CTNND2: variants seen among roughly 807,000 people sequenced by gnomAD.
The protein encoded by CTNND2 is catenin delta 2.
In CTNND2, 22 loss-of-function variants were observed where a neutral mutation model predicts 144.4. The ratio of observed to expected loss-of-function variants is 0.15; its 90% confidence interval spans 0.11 to 0.22. The LOEUF (loss-of-function observed/expected upper bound fraction) is 0.22. CTNND2 is among the 10% of genes least tolerant of loss of function. The probability of loss-of-function intolerance (pLI) is 1.00; values close to 1 mark genes in which losing one functional copy is unlikely to be tolerated. For missense variants in CTNND2, 1,353 were observed against 1,618.8 expected (o/e 0.84, Z 2.82); for synonymous variants, 751 against 695.6 (o/e 1.08, Z -1.25).
chr5:11,889,484 C>T (rs182570979), intron 1 of CTNND2, among the ~76,000 whole-genome samples: 2 of 152,268 alleles, frequency 1.3e-5, no homozygotes, highest in African/African-American at 2.4e-5. Context: ...TTAAAATACT[C>T]GTTAGGCCAA....
intron 3 of CTNND2, among the ~76,000 whole-genome samples, chr5:11,497,519 T>TGG (rs1234235644): frequency 7.3e-5 from 1 of 13,746 alleles, no homozygotes; most frequent in Admixed American, 9.5e-4. Context: ...TGCGGGGGGG[T>TGG]GGGGGGGGGC....
chr5:11,535,624 C>T (rs531007933), intron 3 of CTNND2, among the ~76,000 whole-genome samples: 1 of 152,268 alleles, frequency 6.6e-6, no homozygotes, highest in South Asian at 2.1e-4. Flanking sequence ...CATCTGCAAT[C>T]ACACAGAATA....
chr5:11,244,326 C>T (rs1742763585), intron 9 of CTNND2, among the ~76,000 whole-genome samples: 1 of 144,968 alleles, frequency 6.9e-6, no homozygotes, highest in African/African-American at 2.6e-5. Flanking sequence ...ACTCTGTTGC[C>T]CAGGCTGGAG....
At chr5:11,335,405 A>C (rs1753640856) in intron 9 of CTNND2, among the ~76,000 whole-genome samples, 1 of 152,188 alleles carries the variant, frequency 6.6e-6, no homozygotes, top group Non-Finnish European at 1.5e-5. Flanking sequence ...TTTTGTCCTC[A>C]AATGTTCAAA....
At chr5:11,899,195 T>C (rs949820725) in intron 1 of CTNND2, among the ~76,000 whole-genome samples, 2 of 152,230 alleles carry the variant, frequency 1.3e-5, no homozygotes, top group South Asian at 2.1e-4. Flanking sequence ...CATAATGACA[T>C]GATGATGAGA....
intron 3 of CTNND2, among the ~76,000 whole-genome samples, chr5:11,554,097 T>C (rs1776010181): frequency 6.6e-6 from 1 of 152,206 alleles, no homozygotes; most frequent in African/African-American, 2.4e-5. Context: ...ACGCTTAATA[T>C]GATGACTGGT....
chr5:11,818,692 T>C (rs1272742036), intron 1 of CTNND2, among the ~76,000 whole-genome samples: 1 of 152,152 alleles, frequency 6.6e-6, no homozygotes, highest in Non-Finnish European at 1.5e-5. Context: ...TTAACCGATA[T>C]GCCCTATTGT....
intron 1 of CTNND2, among the ~76,000 whole-genome samples, chr5:11,879,599 T>C (rs372172253): frequency 3.9e-5 from 6 of 152,082 alleles, no homozygotes; most frequent in African/African-American, 1.4e-4. Flanking sequence ...TTCTGTACCA[T>C]TGATAAGCTT....
intron 5 of CTNND2, among the ~76,000 whole-genome samples, chr5:11,404,470 T>G (rs1760904944): frequency 6.6e-6 from 1 of 152,032 alleles, no homozygotes; most frequent in African/African-American, 2.4e-5. Flanking sequence ...TTTAACAAAA[T>G]AAATGACTGG....
chr5:11,356,981 T>A (rs145058452), intron 8 of CTNND2, among the ~76,000 whole-genome samples: 23 of 152,224 alleles, frequency 1.5e-4, no homozygotes, highest in Non-Finnish European at 2.4e-4. Context: ...CACAGTGAGA[T>A]ACTACCTCAC....
At chr5:11,303,252 T>C (rs1172840428) in intron 9 of CTNND2, among the ~76,000 whole-genome samples, 4 of 152,318 alleles carry the variant, frequency 2.6e-5, no homozygotes, top group South Asian at 2.1e-4. Flanking sequence ...AAAAAGACAA[T>C]GCTCTTGACC....
intron 9 of CTNND2, among the ~76,000 whole-genome samples, chr5:11,278,269 T>A (rs1341333965): frequency 1.3e-5 from 2 of 152,226 alleles, no homozygotes; most frequent in Non-Finnish European, 2.9e-5. Context: ...CCTTGAACTA[T>A]GTTTATCTCT....
chr5:11,726,291 G>A (rs1340478869), intron 2 of CTNND2, among the ~76,000 whole-genome samples: 1 of 152,006 alleles, frequency 6.6e-6, no homozygotes, highest in Admixed American at 6.6e-5. Context: ...TTAGAAACAT[G>A]TTTGAAATAA....
intron 3 of CTNND2, among the ~76,000 whole-genome samples, chr5:11,457,400 TATTA>T (rs960795861): frequency 1.8e-4 from 28 of 152,282 alleles, no homozygotes; most frequent in African/African-American, 5.3e-4. Flanking sequence ...AGAGAAACAA[TATTA>T]ATTATTAAAT....
intron 9 of CTNND2, among the ~76,000 whole-genome samples, chr5:11,261,567 A>G (rs1306655711): frequency 6.6e-6 from 1 of 152,248 alleles, no homozygotes; most frequent in Non-Finnish European, 1.5e-5. Flanking sequence ...GCAGCCTCTC[A>G]GTATCCTGCT....
intron 5 of CTNND2, among the ~76,000 whole-genome samples, chr5:11,406,109 TGCACACCA>T (rs1761084260): frequency 6.6e-6 from 1 of 152,156 alleles, no homozygotes; most frequent in African/African-American, 2.4e-5. Context: ...ACTGCACCAT[TGCACACCA>T]GCCTGGGCAA....
At chr5:11,394,474 G>A (rs1759895114) in intron 6 of CTNND2, among the ~76,000 whole-genome samples, 1 of 152,200 alleles carries the variant, frequency 6.6e-6, no homozygotes, top group Non-Finnish European at 1.5e-5. Context: ...GCATAGCTGA[G>A]CAGAGTGCTG....
intron 2 of CTNND2, among the ~76,000 whole-genome samples, chr5:11,683,791 T>C (rs2126633270): frequency 6.6e-6 from 1 of 152,350 alleles, no homozygotes; most frequent in South Asian, 2.1e-4. Flanking sequence ...AAACAACATA[T>C]AAAGCTGCAG....
chr5:11,116,174 A>G (rs1337645133), intron 13 of CTNND2, among the ~76,000 whole-genome samples: 1 of 152,198 alleles, frequency 6.6e-6, no homozygotes, highest in Non-Finnish European at 1.5e-5. Flanking sequence ...GAACACTCCA[A>G]AGGCAATTCT....
Sources: gnomAD v4.1 joint callset for allele counts (sites outside exome capture counted in the v4.1 genomes callset) on GRCh38, gnomAD v4.1.1 for gene constraint, MANE v1.5 for transcripts, NCBI Gene and HGNC (gene_info 2026-07-23, HGNC 2026-07-21) for gene names.